The following MGAT4C variants were observed in gnomAD, a reference collection of about 807,000 sequenced individuals.
MGAT4C encodes alpha-1,3-mannosyl-glycoprotein 4-beta-N-acetylglucosaminyltransferase C.
A neutral mutation model predicts 40.1 loss-of-function variants in MGAT4C; 19 were observed. The ratio of observed to expected loss-of-function variants is 0.47; its 90% confidence interval spans 0.33 to 0.70. The LOEUF (loss-of-function observed/expected upper bound fraction) is 0.70. MGAT4C is among the 30% of genes least tolerant of loss of function. The pLI is 0.02. For missense variants in MGAT4C, 491 were observed against 563.2 expected, an observed-to-expected ratio of 0.87 and a Z score of 1.30; for synonymous variants, 181 against 187.1, an observed-to-expected ratio of 0.97 and a Z score of 0.27.
chr12:86,403,270 G>A (rs779051823), intron 3 of MGAT4C, among the ~76,000 whole-genome samples: 37 of 152,100 alleles, frequency 2.4e-4, no homozygotes, highest in Non-Finnish European at 4.4e-4. Context: ...TTTTCTTACA[G>A]GGAATGATGC....
At chr12:86,279,812 T>C (rs1193313732) in intron 4 of MGAT4C, among the ~76,000 whole-genome samples, 1 of 152,170 alleles carries the variant, frequency 6.6e-6, no homozygotes, top group East Asian at 1.9e-4. Context: ...TTTTGCTATA[T>C]CCCATAGATT....
intron 2 of MGAT4C, among the ~76,000 whole-genome samples, chr12:86,020,574 C>T (rs1438622076): frequency 1.3e-5 from 2 of 152,134 alleles, no homozygotes; most frequent in Non-Finnish European, 2.9e-5. Flanking sequence ...ACACTTTACA[C>T]AAACATTAAT....
At chr12:86,371,243 G>C (rs1385661695) in intron 3 of MGAT4C, among the ~76,000 whole-genome samples, 1 of 151,872 alleles carries the variant, frequency 6.6e-6, no homozygotes, top group Non-Finnish European at 1.5e-5. Context: ...GCATTGTGAA[G>C]GGAGAAAGCT....
chr12:86,576,960 A>T (rs1431783510), intron 2 of MGAT4C, among the ~76,000 whole-genome samples: 1 of 151,754 alleles, frequency 6.6e-6, no homozygotes, highest in South Asian at 2.1e-4. Flanking sequence ...ATGCAAATGG[A>T]ATATTTTTCT....
At chr12:86,774,794 C>A (rs1951724624) in intron 1 of MGAT4C, among the ~76,000 whole-genome samples, 1 of 152,050 alleles carries the variant, frequency 6.6e-6, no homozygotes, top group Non-Finnish European at 1.5e-5. Context: ...CATACTTCAT[C>A]TTAATAAGAG....
intron 1 of MGAT4C, among the ~76,000 whole-genome samples, chr12:86,080,080 C>T (rs1870542629): frequency 6.6e-6 from 1 of 152,088 alleles, no homozygotes; most frequent in Non-Finnish European, 1.5e-5. Context: ...AGCTAAGATT[C>T]CCTCACCAAG....
intron 1 of MGAT4C, among the ~76,000 whole-genome samples, chr12:86,769,341 T>C (rs996317779): frequency 2.8e-5 from 4 of 143,142 alleles, no homozygotes; most frequent in Non-Finnish European, 4.7e-5. Flanking sequence ...CCAGTTAGAA[T>C]GGCAATCATT....
At chr12:86,650,313 G>T (rs530570181) in intron 2 of MGAT4C, among the ~76,000 whole-genome samples, 235 of 151,990 alleles carry the variant, frequency 1.5e-3, no homozygotes, top group South Asian at 4.8e-3. Flanking sequence ...TTCAAACATA[G>T]TTGTGCTTCT....
At chr12:85,984,402 AT>A (rs1884986802) in intron 3 of MGAT4C, among the ~76,000 whole-genome samples, 1 of 152,006 alleles carries the variant, frequency 6.6e-6, no homozygotes, top group East Asian at 1.9e-4. Flanking sequence ...GTGTGATTCT[AT>A]TGGATGTAAT....
At chr12:86,108,057 C>T (rs1029938020) in intron 1 of MGAT4C, among the ~76,000 whole-genome samples, 2 of 152,100 alleles carry the variant, frequency 1.3e-5, no homozygotes, top group Non-Finnish European at 2.9e-5. Flanking sequence ...GTAGCTTACA[C>T]ATCTCAGCTG....
chr12:86,413,659 A>T (rs1171572686), intron 3 of MGAT4C, among the ~76,000 whole-genome samples: 1 of 152,170 alleles, frequency 6.6e-6, no homozygotes, highest in African/African-American at 2.4e-5. Context: ...TACAAAGTCA[A>T]AGATTTGTTA....
intron 3 of MGAT4C, among the ~76,000 whole-genome samples, chr12:86,385,721 T>G (rs1198848126): frequency 1.3e-5 from 2 of 152,158 alleles, no homozygotes; most frequent in Non-Finnish European, 2.9e-5. Context: ...CCTGCCAGTA[T>G]GCTGTGTTGT....
intron 1 of MGAT4C, among the ~76,000 whole-genome samples, chr12:86,089,268 T>C (rs114879417): frequency 0.023 from 3,459 of 152,070 alleles, 112 homozygotes; most frequent in African/African-American, 0.079. Context: ...TGTTGAAGAA[T>C]ATTTTGAAAA....
chr12:86,737,695 A>C (rs1287765381), intron 1 of MGAT4C, among the ~76,000 whole-genome samples: 1 of 151,210 alleles, frequency 6.6e-6, no homozygotes, highest in East Asian at 2.0e-4. Flanking sequence ...CCACCCCTAA[A>C]ATTTCCTGTT....
chr12:86,503,924 T>C (rs1384557818), intron 2 of MGAT4C, among the ~76,000 whole-genome samples: 1 of 149,738 alleles, frequency 6.7e-6, no homozygotes, highest in Non-Finnish European at 1.5e-5. Flanking sequence ...AATTTATATA[T>C]TCAACAAACA....
At chr12:86,308,164 G>T (rs1953986419) in intron 4 of MGAT4C, among the ~76,000 whole-genome samples, 1 of 150,462 alleles carries the variant, frequency 6.6e-6, no homozygotes, top group African/African-American at 2.5e-5. Context: ...ACATACATTT[G>T]CACACACAGA....
chr12:86,059,817 C>A (rs1467191175), intron 1 of MGAT4C, among the ~76,000 whole-genome samples: 28 of 152,118 alleles, frequency 1.8e-4, no homozygotes, highest in Admixed American at 1.8e-3. Flanking sequence ...AGAGCAGCAG[C>A]CCCTAACACA....
At chr12:86,827,154 T>C (rs547111491) in intron 1 of MGAT4C, among the ~76,000 whole-genome samples, 2 of 151,544 alleles carry the variant, frequency 1.3e-5, no homozygotes, top group East Asian at 1.9e-4. Flanking sequence ...ATCCCCCATC[T>C]AAAATCATTT....
chr12:86,370,696 C>T (rs1254782139), intron 3 of MGAT4C, among the ~76,000 whole-genome samples: 2 of 152,074 alleles, frequency 1.3e-5, no homozygotes, highest in Middle Eastern at 3.2e-3. Flanking sequence ...AGCTCTACTG[C>T]TCCTGAGTAA....
Sources: gnomAD v4.1 joint callset for allele counts (sites outside exome capture counted in the v4.1 genomes callset) on GRCh38, gnomAD v4.1.1 for gene constraint, MANE v1.5 for transcripts, NCBI Gene and HGNC (gene_info 2026-07-23, HGNC 2026-07-21) for gene names.